Variants in WDR82 observed in about 807,000 individuals in gnomAD.
The protein encoded by WDR82 is WD repeat-containing protein 82.
Under a neutral mutation model 36.1 loss-of-function variants are expected in WDR82, and 8 were observed. The observed-to-expected ratio is 0.22, with a 90% CI of 0.13 to 0.40. The LOEUF (loss-of-function observed/expected upper bound fraction) is 0.40. Among genes scored for constraint, WDR82 ranks in the 10% least tolerant of loss-of-function variants. The pLI is 1.00. For synonymous variants in WDR82, 129 were observed against 137.8 expected (o/e 0.94, Z 0.45); for missense variants, 185 against 400.5 (o/e 0.46, Z 4.59).
chr3:52,269,754 A>G (rs1700137394), intron 2 of WDR82, among the ~76,000 whole-genome samples: 1 of 152,200 alleles, frequency 6.6e-6, no homozygotes, highest in Admixed American at 6.5e-5. Context: ...GACAAACAAA[A>G]GAAAATAAAC....
chr3:52,264,382 G>A (rs974349507), intron 3 of WDR82, among the ~76,000 whole-genome samples: 4 of 152,112 alleles, frequency 2.6e-5, no homozygotes, highest in Non-Finnish European at 5.9e-5. Flanking sequence ...CACCTGCCAC[G>A]GGAAAGTAAG....
chr3:52,272,552 A>T (rs1700164101), intron 1 of WDR82, among the ~76,000 whole-genome samples: 1 of 152,054 alleles, frequency 6.6e-6, no homozygotes, highest in Non-Finnish European at 1.5e-5. Flanking sequence ...TCAAAAAAAA[A>T]AAAAAGAAAA....
At chr3:52,266,082 G>A (rs1700103701) in intron 3 of WDR82, among the ~76,000 whole-genome samples, 1 of 152,118 alleles carries the variant, frequency 6.6e-6, no homozygotes, top group Non-Finnish European at 1.5e-5. Flanking sequence ...GGGGCATTGG[G>A]GTGAAGAACA....
At chr3:52,266,879 T>C (rs1464719867) in intron 3 of WDR82, 73 bp downstream of exon 3, 1 of 1,319,768 alleles carries the variant, frequency 7.6e-7, no homozygotes, top group Non-Finnish European at 1.1e-6. Context: ...TAATAAGCTC[T>C]CTCTAGCCTT....
At chr3:52,265,299 CAAAAAAAAAAAAAAAAA>C (rs869189597) in intron 3 of WDR82, among the ~76,000 whole-genome samples, 754 of 43,790 alleles carry the variant, frequency 0.017, 9 homozygotes, top group African/African-American at 0.064. Flanking sequence ...GACTCTGTCT[CAAAAAAAAAAAAAAAAA>C]AAAAAAAAAA....
At chr3:52,270,212 C>A (rs905191566) in intron 2 of WDR82, among the ~76,000 whole-genome samples, 1 of 152,170 alleles carries the variant, frequency 6.6e-6, no homozygotes, top group Non-Finnish European at 1.5e-5. Context: ...CTCTGCCTCC[C>A]GGGTTCAAGA....
intron 3 of WDR82, among the ~76,000 whole-genome samples, chr3:52,262,697 T>A (rs1219615829): frequency 6.6e-6 from 1 of 152,230 alleles, no homozygotes; most frequent in African/African-American, 2.4e-5. Context: ...TTTGTGGTTA[T>A]ACCATCAAGA....
At chr3:52,258,287 C>T (rs1357387424) in intron 8 of WDR82, among the ~76,000 whole-genome samples, 1 of 152,138 alleles carries the variant, frequency 6.6e-6, no homozygotes, top group Non-Finnish European at 1.5e-5. Flanking sequence ...AAAAACTGGC[C>T]TATGATCTCC....
At chr3:52,265,223 C>T (rs539191697) in intron 3 of WDR82, among the ~76,000 whole-genome samples, 17 of 141,636 alleles carry the variant, frequency 1.2e-4, no homozygotes, top group Non-Finnish European at 2.4e-4. Flanking sequence ...TGGCGTGAAC[C>T]CAAGAGGCGG....
chr3:52,270,906 G>C, intron 1 of WDR82, 97 bp from the exon 2 acceptor site: 1 of 909,950 alleles, frequency 1.1e-6, no homozygotes. Context: ...TGTGGCAAAG[G>C]TGAGGATTTT....
At chr3:52,264,045 C>T (rs1045261681) in intron 3 of WDR82, among the ~76,000 whole-genome samples, 1 of 152,100 alleles carries the variant, frequency 6.6e-6, no homozygotes, top group Admixed American at 6.6e-5. Context: ...TGCCTGTAAT[C>T]CCAGCTATTC....
intron 2 of WDR82, 173 bp from the exon 3 acceptor site, chr3:52,267,191 G>T (rs534192728): frequency 3.1e-5 from 14 of 454,334 alleles, no homozygotes; most frequent in Middle Eastern, 6.2e-4. Context: ...TGGGTATGTA[G>T]ATTTCACCTA....
chr3:52,267,743 C>T (rs1006601065), intron 2 of WDR82: 1 of 152,278 alleles, frequency 6.6e-6, no homozygotes, highest in African/African-American at 2.4e-5. Flanking sequence ...CACTCTTAAC[C>T]AAATGATTCT....
intron 1 of WDR82, among the ~76,000 whole-genome samples, chr3:52,277,277 G>A (rs114027945): frequency 2.0e-5 from 3 of 152,154 alleles, no homozygotes; most frequent in South Asian, 2.1e-4. Context: ...GGGCTGACAA[G>A]GACCCCCAGG....
intron 1 of WDR82, among the ~76,000 whole-genome samples, chr3:52,273,834 G>T (rs999896545): frequency 6.6e-6 from 1 of 152,052 alleles, no homozygotes; most frequent in African/African-American, 2.4e-5. Context: ...CATTGTCCAG[G>T]CTGGTTTTGA....
intron 2 of WDR82, among the ~76,000 whole-genome samples, chr3:52,269,595 T>C (rs965161448): frequency 1.3e-5 from 2 of 152,040 alleles, no homozygotes; most frequent in Non-Finnish European, 2.9e-5. Flanking sequence ...CCAGGCATGG[T>C]GGCATGCACC....
At chr3:52,261,050 T>A (rs1578005615) in intron 4 of WDR82, among the ~76,000 whole-genome samples, 1 of 152,180 alleles carries the variant, frequency 6.6e-6, no homozygotes, top group African/African-American at 2.4e-5. Context: ...GCTTGAACCC[T>A]GGAGGTGGAG....
In WDR82 at chr3:52,258,637, C is replaced by T. The variant is rs1700032554; in HGVS notation, c.811G>A (p.Gly271Ser). The change falls in exon 8 of 9, where the codon GGT (glycine) becomes AGT (serine). Residue 271 changes from glycine to serine, a missense_variant. Gly to Ser is a moderately conservative substitution (Grantham distance 56). Transcript: ENST00000296490. ...GKIHVWNGES[G>S]IKVAVLDGKH... Reference sequence around the variant, plus strand: ...CCATCCAACACAGCTACTTTTATACCGCTCTCTCCATTCCAGACATGGATC... The same window carrying T: ...CCATCCAACACAGCTACTTTTATACTGCTCTCTCCATTCCAGACATGGATC... The T allele has an allele frequency of 1.4e-5, 23 of 1,614,188 alleles. No individual in the cohort carries two copies. The highest frequency in any genetic ancestry group is 1.9e-5 in the Non-Finnish European group (23 of 1,180,048).
At chr3:52,267,273 G>A in intron 2 of WDR82, 1 of 315,704 alleles carries the variant, frequency 3.2e-6, no homozygotes, top group Non-Finnish European at 6.0e-6. Context: ...TACCAATTTG[G>A]TTTCTTCATA....
Sources: gnomAD v4.1 joint callset for allele counts (sites outside exome capture counted in the v4.1 genomes callset) on GRCh38, gnomAD v4.1.1 for gene constraint, MANE v1.5 for transcripts, NCBI Gene and HGNC (gene_info 2026-07-23, HGNC 2026-07-21) for gene names.